ANKRD44: variants seen among roughly 807,000 people sequenced by gnomAD.
ANKRD44 encodes ankyrin repeat domain 44.
Under a neutral mutation model 116.0 loss-of-function variants are expected in ANKRD44, and 35 were observed. That is an observed-to-expected ratio of 0.30 (90% CI 0.23 to 0.40). The LOEUF is 0.40. Ranked by LOEUF, ANKRD44 falls within the 10% of genes least tolerant of loss-of-function variation. ANKRD44 has a pLI of 1.00. For missense variants in ANKRD44, 1,014 were observed against 1,242.6 expected (o/e 0.82, Z 2.77); for synonymous variants, 435 against 461.8 (o/e 0.94, Z 0.74).
At chr2:197,104,939 T>C (rs1020106737) in intron 9 of ANKRD44, among the ~76,000 whole-genome samples, 1 of 152,214 alleles carries the variant, frequency 6.6e-6, no homozygotes, top group African/African-American at 2.4e-5. Context: ...AAAATCAACT[T>C]GCTGCCAGTA....
At chr2:197,063,140 C>A (rs1574379909) in intron 16 of ANKRD44, among the ~76,000 whole-genome samples, 1 of 152,202 alleles carries the variant, frequency 6.6e-6, no homozygotes, top group East Asian at 1.9e-4. Flanking sequence ...AACAATCAGG[C>A]AGCAACATTT....
intron 1 of ANKRD44, chr2:197,301,393 C>A (rs1346649): frequency 0.46 from 70,048 of 151,960 alleles, 17,290 homozygotes; most frequent in African/African-American, 0.64. Flanking sequence ...CCTGTCCCCT[C>A]ATGTCACCTT....
At chr2:197,070,678 A>G (rs909539668) in intron 16 of ANKRD44, among the ~76,000 whole-genome samples, 1 of 151,898 alleles carries the variant, frequency 6.6e-6, no homozygotes, top group African/African-American at 2.4e-5. Flanking sequence ...CATGTTCATG[A>G]AAGACATTGT....
At chr2:196,977,071 TAAC>T (rs1237183355) in intron 21 of ANKRD44, among the ~76,000 whole-genome samples, 1 of 152,146 alleles carries the variant, frequency 6.6e-6, no homozygotes, top group African/African-American at 2.4e-5. Context: ...ACAATTCCCT[TAAC>T]AACAACATCA....
intron 3 of ANKRD44, among the ~76,000 whole-genome samples, chr2:197,138,641 C>A (rs73991208): frequency 2.6e-5 from 4 of 152,286 alleles, no homozygotes; most frequent in Admixed American, 2.6e-4. Flanking sequence ...CCCGCCTTTA[C>A]GTCAGGACTT....
intron 16 of ANKRD44, among the ~76,000 whole-genome samples, chr2:197,034,294 A>T (rs994806600): frequency 2.0e-5 from 3 of 152,126 alleles, no homozygotes; most frequent in African/African-American, 7.2e-5. Context: ...TAGAGCTTGT[A>T]GTTATACATC....
At chr2:197,012,155 T>C (rs1462838156) in intron 18 of ANKRD44, among the ~76,000 whole-genome samples, 1 of 152,168 alleles carries the variant, frequency 6.6e-6, no homozygotes, top group African/African-American at 2.4e-5. Context: ...AGTAGACATT[T>C]TGTGAACAGT....
At chr2:197,044,644 C>G (rs1559016520) in intron 16 of ANKRD44, among the ~76,000 whole-genome samples, 1 of 152,132 alleles carries the variant, frequency 6.6e-6, no homozygotes, top group African/African-American at 2.4e-5. Context: ...CAGGTGTGAG[C>G]CACCGCACCC....
intron 16 of ANKRD44, among the ~76,000 whole-genome samples, chr2:197,051,709 T>C (rs2077110553): frequency 6.6e-6 from 1 of 152,212 alleles, no homozygotes; most frequent in South Asian, 2.1e-4. Flanking sequence ...TTTATCTTAT[T>C]GTCACCACTG....
chr2:197,153,808 T>G (rs920704006), intron 2 of ANKRD44, among the ~76,000 whole-genome samples: 1 of 152,136 alleles, frequency 6.6e-6, no homozygotes, highest in East Asian at 1.9e-4. Context: ...TGAAAATAAT[T>G]TGAAGTATGT....
At chr2:197,101,242 T>C (rs1251622880) in intron 9 of ANKRD44, among the ~76,000 whole-genome samples, 2 of 152,052 alleles carry the variant, frequency 1.3e-5, no homozygotes, top group African/African-American at 4.8e-5. Context: ...TTTTTTTTTT[T>C]AAGTTTCTCA....
rs182470384 is a variant in ANKRD44, at chr2:197,305,693, G to A, written c.27+4885C>T. Among the ~76,000 whole-genome samples the A allele has an allele frequency of 2.7e-3, 414 of 152,094 alleles. 2 individuals carry two copies. Among genetic ancestry groups the A allele is most frequent in the African/African-American group, 9.7e-3 (404 of 41,512 alleles). On this transcript the variant is annotated intron_variant, in intron 1 of 27. Coordinates refer to ENST00000282272, the MANE Select transcript of ANKRD44 (RefSeq NM_001195144.2). ...CTTATGTGCTGGCGTTGGCTAAAGAGCCAATCATATATGTAAGAGAAGAAT... is the reference window on the plus strand; with the variant it reads ...CTTATGTGCTGGCGTTGGCTAAAGAACCAATCATATATGTAAGAGAAGAAT...
chr2:197,193,741 G>A (rs559948971), intron 1 of ANKRD44, among the ~76,000 whole-genome samples: 7 of 152,078 alleles, frequency 4.6e-5, no homozygotes, highest in Non-Finnish European at 7.4e-5. Context: ...ACTTAGCCGG[G>A]CCTGGTGGCG....
chr2:197,123,028 CA>C lies in ANKRD44; in HGVS notation c.551-237del, dbSNP rs2078894150. Among the ~76,000 whole-genome samples the C allele has an allele frequency of 2.0e-5, 3 of 152,284 alleles. No individual in the cohort carries two copies. In the South Asian group the frequency reaches 6.2e-4, roughly 32 times the overall value. On this transcript the variant is annotated intron_variant, in intron 6 of 27. Coordinates refer to ENST00000282272, the MANE Select transcript of ANKRD44 (RefSeq NM_001195144.2). ...ATGATTCATATGTGAGCCTTCTCTT[CA>C]AGGAGATCTAGGTGATGCTTGTTAC...
chr2:196,990,920 G>A, intron 27 of ANKRD44: 1 of 1,232,342 alleles, frequency 8.1e-7, no homozygotes, highest in Non-Finnish European at 1.0e-6. Context: ...CCAGGGCCGG[G>A]GTATGACCTG....
At chr2:197,296,169 G>C (rs2083716149) in intron 1 of ANKRD44, 1 of 152,184 alleles carries the variant, frequency 6.6e-6, no homozygotes, top group African/African-American at 2.4e-5. Context: ...GTTGTTGCAG[G>C]AACCTAGTCA....
intron 1 of ANKRD44, chr2:197,296,180 C>G (rs1471249361): frequency 1.3e-5 from 2 of 152,210 alleles, no homozygotes; most frequent in African/African-American, 4.8e-5. Context: ...AACCTAGTCA[C>G]TAGTCATAGA....
chr2:197,165,040 A>G (rs1440173587), intron 2 of ANKRD44, among the ~76,000 whole-genome samples: 2 of 152,132 alleles, frequency 1.3e-5, no homozygotes, highest in African/African-American at 4.8e-5. Context: ...CCTCCTGAAG[A>G]TGTGTGAGAT....
intron 2 of ANKRD44, among the ~76,000 whole-genome samples, chr2:197,158,110 A>G (rs2079866686): frequency 6.6e-6 from 1 of 152,208 alleles, no homozygotes; most frequent in Non-Finnish European, 1.5e-5. Context: ...CTTTGGTGCC[A>G]GCGAAACAGG....
Sources: gnomAD v4.1 joint callset for allele counts (sites outside exome capture counted in the v4.1 genomes callset) on GRCh38, gnomAD v4.1.1 for gene constraint, MANE v1.5 for transcripts, NCBI Gene and HGNC (gene_info 2026-07-23, HGNC 2026-07-21) for gene names.